The following SERINC5 variants were observed in gnomAD, a reference collection of about 807,000 sequenced individuals.
SERINC5 encodes the protein serine incorporator 5.
Under a neutral mutation model 63.1 loss-of-function variants are expected in SERINC5, and 41 were observed. The observed-to-expected ratio is 0.65, with a 90% confidence interval of 0.51 to 0.84. SERINC5 has a LOEUF of 0.84. Among genes scored for constraint, SERINC5 ranks in the 40% least tolerant of loss-of-function variants. The pLI is 0.00. For missense variants in SERINC5, 523 were observed against 573.0 expected, an observed-to-expected ratio of 0.91 and a Z score of 0.89; for synonymous variants, 222 against 215.2, an observed-to-expected ratio of 1.03 and a Z score of -0.28.
intron 1 of SERINC5, among the ~76,000 whole-genome samples, chr5:80,223,841 T>C (rs994037782): frequency 6.6e-6 from 1 of 151,800 alleles, no homozygotes; most frequent in African/African-American, 2.4e-5. Flanking sequence ...GTTAGAAAAG[T>C]CAAGCCGGGC....
intron 1 of SERINC5, among the ~76,000 whole-genome samples, chr5:80,250,627 G>A (rs960730672): frequency 2.0e-5 from 3 of 152,128 alleles, no homozygotes; most frequent in Non-Finnish European, 4.4e-5. Context: ...TGCCCGGCCT[G>A]GAATCATCAT....
chr5:80,148,379 G>A (rs1281539470), intron 9 of SERINC5, among the ~76,000 whole-genome samples: 3 of 151,366 alleles, frequency 2.0e-5, no homozygotes. Flanking sequence ...TAGTAGAGAC[G>A]GGGTTTTTCC....
At chr5:80,112,683 G>A (rs1429914615) in intron 12 of SERINC5, among the ~76,000 whole-genome samples, 2 of 152,034 alleles carry the variant, frequency 1.3e-5, no homozygotes, top group Non-Finnish European at 2.9e-5. Context: ...GCAATAGCCC[G>A]CGCCTGTAAT....
In SERINC5 at chr5:80,140,411, G is replaced by A. The variant is rs987463177; in HGVS notation, c.*3252C>T. On this transcript the variant is annotated 3_prime_UTR_variant, in exon 12 of 12. Coordinates refer to ENST00000507668, the MANE Select transcript of SERINC5 (RefSeq NM_001174072.3). ...TTATTCATAATAAAGGATCTTCTGA[G>A]GAATCGGAAATAAACAATGTTGTAT... is the stretch of plus-strand genomic sequence containing the variant. 1.0e-6 allele frequency: 1 copy of A among 984,054 alleles called. No homozygotes were observed. The highest frequency in any genetic ancestry group is 1.8e-5 in the African/African-American group (1 of 56,776). The allele number at this position is 984,054 out of a possible 1,614,324, so 61.0% of individuals were successfully genotyped here. A position where few individuals can be genotyped will look rare whatever the true frequency, so the allele number is the denominator to read the frequency against.
At chr5:80,253,908 T>C (rs1359020761) in intron 1 of SERINC5, among the ~76,000 whole-genome samples, 1 of 152,176 alleles carries the variant, frequency 6.6e-6, no homozygotes, top group Non-Finnish European at 1.5e-5. Flanking sequence ...CTTCTGACGG[T>C]GCTGTGAGGT....
chr5:80,221,055 CAG>C (rs1249083160), intron 1 of SERINC5, among the ~76,000 whole-genome samples: 6 of 152,136 alleles, frequency 3.9e-5, no homozygotes, highest in Non-Finnish European at 7.4e-5. Flanking sequence ...ACTGCAAGAG[CAG>C]AGAGCACTCG....
At chr5:80,135,295 A>G (rs992239218), downstream of SERINC5, among the ~76,000 whole-genome samples, 4 of 152,146 alleles carry the variant, frequency 2.6e-5, no homozygotes, top group African/African-American at 9.7e-5. Context: ...CAGCCTCCCA[A>G]AATGTTGGGA....
At chr5:80,236,115 G>T (rs1280840632) in intron 1 of SERINC5, among the ~76,000 whole-genome samples, 3 of 152,130 alleles carry the variant, frequency 2.0e-5, no homozygotes, top group Non-Finnish European at 4.4e-5. Context: ...AAAGCCTACT[G>T]ACAACTTACA....
rs1439565064 is a variant in SERINC5 at position 80,173,287 on chromosome 5, G to GA, written c.551+1666dup. Among the ~76,000 whole-genome samples, 14 of 148,764 alleles carry GA rather than the reference G, an allele frequency of 9.4e-5. No individual in the cohort carries two copies. In the East Asian group the frequency reaches 2.8e-3, roughly 30 times the overall value. ...GAAGGAAGGAAGGAAGGAAGAAAATGAAATGAAATGAAATGAAAAGAAAAG... is the reference window on the plus strand; with the variant it reads ...GAAGGAAGGAAGGAAGGAAGAAAATGAAAATGAAATGAAATGAAAAGAAAAG... On this transcript the variant is annotated intron_variant, in intron 5 of 11. Transcript: ENST00000507668.
intron 1 of SERINC5, among the ~76,000 whole-genome samples, chr5:80,208,745 C>A (rs1307475344): frequency 1.3e-5 from 2 of 152,124 alleles, no homozygotes; most frequent in Non-Finnish European, 2.9e-5. Flanking sequence ...GATACATTTC[C>A]AAAAAGACAC....
At chr5:80,175,782 T>G (rs1346237108) in intron 4 of SERINC5, among the ~76,000 whole-genome samples, 1 of 148,852 alleles carries the variant, frequency 6.7e-6, no homozygotes, top group Non-Finnish European at 1.5e-5. Context: ...GAGAATCACT[T>G]GAACCTGTGA....
Position 80,142,800 on chromosome 5 carries a change from A to G in SERINC5, c.*863T>C. The G allele has an allele frequency of 1.0e-6, 1 of 985,466 alleles. No individual in the cohort carries two copies. The highest frequency in any genetic ancestry group is 1.2e-6 in the Non-Finnish European group (1 of 829,926). 61.0% of individuals were successfully genotyped at this position (985,466 alleles called of 1,614,324 possible). On this transcript the variant is annotated 3_prime_UTR_variant, in exon 12 of 12. Transcript: ENST00000507668. Reference sequence around the variant, plus strand: ...TTAAGGTCCTAAAAGTATTATCATTATCAACAGCACAAACAAGTAAGAATG... The same window carrying G: ...TTAAGGTCCTAAAAGTATTATCATTGTCAACAGCACAAACAAGTAAGAATG...
intron 1 of SERINC5, among the ~76,000 whole-genome samples, chr5:80,255,546 G>A (rs985990967): frequency 2.0e-5 from 3 of 152,164 alleles, no homozygotes; most frequent in Non-Finnish European, 2.9e-5. Context: ...GAGTGGAGAG[G>A]GCTACGGAGC....
chr5:80,185,002 A>G (rs1230562798), intron 2 of SERINC5, among the ~76,000 whole-genome samples: 3 of 151,918 alleles, frequency 2.0e-5, no homozygotes, highest in Non-Finnish European at 4.4e-5. Flanking sequence ...TCAGCCTCCC[A>G]AGTAGCTGGG....
In SERINC5 at chr5:80,117,899, T is replaced by A. The variant is rs570275734; in HGVS notation, c.1239-4274A>T. Among the ~76,000 whole-genome samples, 4 of 151,754 alleles carry A rather than the reference T, an allele frequency of 2.6e-5. No homozygotes were observed. The South Asian group carries it at 8.3e-4, about 32-fold the overall frequency. On this transcript the variant is annotated intron_variant, in intron 11 of 12. Transcript: ENST00000509193. ...CTGTGTCTGTTTTCTCCTCAGTGTGTCTCTTATAAAAACACTTGTCATGCC... is the reference window on the plus strand; with the variant it reads ...CTGTGTCTGTTTTCTCCTCAGTGTGACTCTTATAAAAACACTTGTCATGCC...
chr5:80,249,933 CA>C (rs1278580456), intron 1 of SERINC5, among the ~76,000 whole-genome samples: 1 of 152,132 alleles, frequency 6.6e-6, no homozygotes, highest in Non-Finnish European at 1.5e-5. Context: ...CCACATTGTT[CA>C]AAAAAGTATC....
intron 11 of SERINC5, among the ~76,000 whole-genome samples, chr5:80,124,335 C>T (rs967137449): frequency 5.9e-5 from 9 of 152,328 alleles, no homozygotes; most frequent in South Asian, 2.1e-4. Flanking sequence ...TCTCAGGGCA[C>T]GCCCAAAGTG....
At chr5:80,244,541 A>G (rs1321338701) in intron 1 of SERINC5, among the ~76,000 whole-genome samples, 1 of 151,154 alleles carries the variant, frequency 6.6e-6, no homozygotes. Context: ...TTTTGGAAAC[A>G]TGGTCTCGGC....
At chr5:80,232,276 C>T (rs1369398215) in intron 1 of SERINC5, among the ~76,000 whole-genome samples, 2 of 151,604 alleles carry the variant, frequency 1.3e-5, no homozygotes, top group Non-Finnish European at 2.9e-5. Flanking sequence ...TGGTGGCAGG[C>T]CCCTGTAGTC....
Sources: allele counts gnomAD v4.1 joint callset (sites outside exome capture counted in the v4.1 genomes callset), GRCh38; gene constraint gnomAD v4.1.1; transcripts MANE v1.5; gene names NCBI Gene and HGNC (gene_info 2026-07-23, HGNC 2026-07-21).